FOXP2: variants seen among roughly 807,000 people sequenced by gnomAD.
FOXP2 encodes the protein forkhead box P2, also known as forkhead box protein P2.
Under a neutral mutation model 115.8 loss-of-function variants are expected in FOXP2, and 12 were observed. The ratio of observed to expected loss-of-function variants is 0.10; its 90% CI spans 0.07 to 0.17. The LOEUF (loss-of-function observed/expected upper bound fraction) is 0.17. Ranked by LOEUF, FOXP2 falls within the 10% of genes least tolerant of loss-of-function variation. The pLI is 1.00. For missense variants in FOXP2, 629 were observed against 843.5 expected, an observed-to-expected ratio of 0.75 and a Z score of 3.15; for synonymous variants, 328 against 297.7, an observed-to-expected ratio of 1.10 and a Z score of -1.05.
chr7:114,347,284 T>A (rs1385639301), intron 2 of FOXP2, among the ~76,000 whole-genome samples: 2 of 152,032 alleles, frequency 1.3e-5, no homozygotes, highest in Non-Finnish European at 2.9e-5. Context: ...TATGTATGTA[T>A]GTATGTGTAT....
At chr7:114,473,033 G>T (rs555966654) in intron 2 of FOXP2, among the ~76,000 whole-genome samples, 2 of 152,050 alleles carry the variant, frequency 1.3e-5, no homozygotes, top group African/African-American at 2.4e-5. Context: ...TTTAACCTTC[G>T]TATTAACCAC....
chr7:114,629,588 T>C, intron 4 of FOXP2: 1 of 1,544,992 alleles, frequency 6.5e-7, no homozygotes, highest in Non-Finnish European at 8.7e-7. Context: ...ACCCTTTTGT[T>C]TAGGATTTTT....
In FOXP2 at chr7:114,583,767, CT is replaced by C. The variant is rs777107059; in HGVS notation, c.259-44771del. Among the ~76,000 whole-genome samples, 18 of 152,332 alleles carry C rather than the reference CT, an allele frequency of 1.2e-4. No homozygotes were observed. In the East Asian group the frequency reaches 3.1e-3, roughly 26 times the overall value. ...ATATTCCGTCCAAATATTTCTGTGA[CT>C]TCTGAGCAAATAGTTCCTACATCAT... On this transcript the variant is annotated intron_variant, in intron 3 of 16. Coordinates refer to ENST00000350908, the MANE Select transcript of FOXP2 (RefSeq NM_014491.4).
intron 1 of FOXP2, among the ~76,000 whole-genome samples, chr7:114,166,927 G>T (rs753540845): frequency 3.3e-5 from 5 of 152,188 alleles, no homozygotes; most frequent in Non-Finnish European, 5.9e-5. Flanking sequence ...AACACCAAAT[G>T]ATGGTGAGGA....
At chr7:114,254,197 C>G (rs546328813) in intron 1 of FOXP2, among the ~76,000 whole-genome samples, 5 of 152,164 alleles carry the variant, frequency 3.3e-5, no homozygotes, top group African/African-American at 9.7e-5. Flanking sequence ...TTGTGGGTAA[C>G]CCGACCTTTC....
chr7:114,086,338 A>G, upstream of FOXP2: 1 of 408,594 alleles, frequency 2.4e-6, no homozygotes, highest in South Asian at 1.7e-5. Context: ...AGAAAGCGCG[A>G]GACACGCCGG....
At chr7:114,087,879 G>A (rs928712180) in intron 1 of FOXP2, 6 of 152,124 alleles carry the variant, frequency 3.9e-5, no homozygotes, top group Non-Finnish European at 7.3e-5. Flanking sequence ...GTGACGCTTT[G>A]ATTAGAAGGA....
chr7:114,559,691 G>C (rs986425111), intron 3 of FOXP2, among the ~76,000 whole-genome samples: 15 of 150,826 alleles, frequency 9.9e-5, no homozygotes, highest in South Asian at 6.4e-4. Context: ...GACCATACTG[G>C]CTAACACGGT....
chr7:114,214,658 G>A (rs933338005), intron 1 of FOXP2, among the ~76,000 whole-genome samples: 12 of 152,190 alleles, frequency 7.9e-5, no homozygotes, highest in Admixed American at 4.6e-4. Flanking sequence ...CTGCAGGTTG[G>A]CCCTACCTCT....
chr7:114,180,329 G>A (rs1466418531), intron 1 of FOXP2, among the ~76,000 whole-genome samples: 2 of 151,734 alleles, frequency 1.3e-5, no homozygotes, highest in Non-Finnish European at 2.9e-5. Flanking sequence ...TTTCTTGTGA[G>A]CCCTTTTTCT....
intron 1 of FOXP2, among the ~76,000 whole-genome samples, chr7:114,212,122 A>AATAT (rs200853525): frequency 1.8e-4 from 24 of 131,038 alleles, no homozygotes; most frequent in Admixed American, 7.8e-4. Flanking sequence ...AATAAAATAA[A>AATAT]ATATATATAT....
intron 3 of FOXP2, among the ~76,000 whole-genome samples, chr7:114,603,925 G>T (rs949084770): frequency 2.0e-5 from 3 of 152,154 alleles, no homozygotes; most frequent in Non-Finnish European, 4.4e-5. Context: ...ATAATTAAAT[G>T]AATCTGTAAA....
chr7:114,348,744 G>A (rs984926359), intron 2 of FOXP2, among the ~76,000 whole-genome samples: 2 of 152,078 alleles, frequency 1.3e-5, no homozygotes, highest in African/African-American at 4.8e-5. Context: ...AGTATGCTTA[G>A]GTGTTTGGAA....
At chr7:114,531,649 A>G (rs186584165) in intron 2 of FOXP2, among the ~76,000 whole-genome samples, 1 of 152,070 alleles carries the variant, frequency 6.6e-6, no homozygotes, top group East Asian at 1.9e-4. Context: ...CTACCAAAAG[A>G]ATGTTGAAAT....
intron 3 of FOXP2, among the ~76,000 whole-genome samples, chr7:114,563,633 C>G (rs1800859314): frequency 6.6e-6 from 1 of 152,150 alleles, no homozygotes; most frequent in South Asian, 2.1e-4. Context: ...TTATCCACTC[C>G]CTGTGGTATT....
intron 2 of FOXP2, among the ~76,000 whole-genome samples, chr7:114,359,132 G>A (rs562414385): frequency 6.6e-6 from 1 of 152,160 alleles, no homozygotes; most frequent in Non-Finnish European, 1.5e-5. Flanking sequence ...TGGGGACTTG[G>A]TGACTTGTGT....
At chr7:114,280,952 A>G (rs75494212) in intron 1 of FOXP2, among the ~76,000 whole-genome samples, 7,084 of 152,216 alleles carry the variant, frequency 0.047, 225 homozygotes, top group Middle Eastern at 0.068. Flanking sequence ...CATACTTACT[A>G]CATGCTTAAC....
At chr7:114,145,431 T>TTTTTCTTTTTTCTTTCC (rs1554421627) in intron 1 of FOXP2, among the ~76,000 whole-genome samples, 1 of 100,446 alleles carries the variant, frequency 1.0e-5, no homozygotes, top group Non-Finnish European at 2.2e-5. Context: ...GCTTTGCCAT[T>TTTTTCTTTTTTCTTTCC]TTTTCTTTTC....
Position 114,486,839 on chromosome 7 carries a change from G to A in FOXP2, c.169-47778G>A, listed in dbSNP as rs183879349. On this transcript the variant is annotated intron_variant, in intron 2 of 16. Transcript: ENST00000350908. ...CATCCAGGTCATGTTCCTATAAGAC[G>A]TGGGTTCCCATAGCCTTGGGCAGCT... is the stretch of plus-strand genomic sequence containing the variant. Among the ~76,000 whole-genome samples, 17 of 152,282 alleles carry A rather than the reference G, an allele frequency of 1.1e-4. No individual in the cohort carries two copies. The South Asian group carries it at 1.5e-3, about 13-fold the overall frequency.
Sources: gnomAD v4.1 joint callset for allele counts (sites outside exome capture counted in the v4.1 genomes callset) on GRCh38, gnomAD v4.1.1 for gene constraint, MANE v1.5 for transcripts, NCBI Gene and HGNC (gene_info 2026-07-23, HGNC 2026-07-21) for gene names.